Variants in SNTG1 observed in about 807,000 individuals in gnomAD.
SNTG1 encodes gamma-1-syntrophin.
SNTG1 carries 39 observed loss-of-function variants against 74.7 expected under a neutral mutation model. That is an observed-to-expected ratio of 0.52 (90% CI 0.40 to 0.68). The LOEUF (loss-of-function observed/expected upper bound fraction) is 0.68. Among genes scored for constraint, SNTG1 ranks in the 30% least tolerant of loss-of-function variants. SNTG1 has a pLI of 0.00. For synonymous variants in SNTG1, 254 were observed against 217.1 expected (o/e 1.17, Z -1.49); for missense variants, 685 against 609.5 (o/e 1.12, Z -1.30).
At chr8:50,280,509 C>A (rs2088380882) in intron 2 of SNTG1, among the ~76,000 whole-genome samples, 1 of 152,070 alleles carries the variant, frequency 6.6e-6, no homozygotes, top group East Asian at 1.9e-4. Flanking sequence ...GGCATAGTCT[C>A]AAGAAGTTAT....
At chr8:50,772,956 T>C (rs1396713468) in intron 18 of SNTG1, among the ~76,000 whole-genome samples, 1 of 152,130 alleles carries the variant, frequency 6.6e-6, no homozygotes, top group East Asian at 1.9e-4. Context: ...CTTTCTGCCA[T>C]GAGGTGAAAC....
At chr8:50,112,776 T>C (rs1049465290) in intron 1 of SNTG1, among the ~76,000 whole-genome samples, 1 of 152,124 alleles carries the variant, frequency 6.6e-6, no homozygotes, top group African/African-American at 2.4e-5. Context: ...CCTAAAGTGC[T>C]GGGATTACAG....
chr8:50,394,062 T>C (rs1245258014), intron 2 of SNTG1, 150 bp from the exon 3 acceptor site: 1 of 508,630 alleles, frequency 2.0e-6, no homozygotes, highest in Non-Finnish European at 3.5e-6. Flanking sequence ...TTTTCCTCTC[T>C]TCAGTATACC....
In SNTG1 at chr8:50,793,782, C is replaced by T. The variant is rs1585813464; in HGVS notation, c.*953C>T. 1 of 151,712 alleles carries T rather than the reference C, an allele frequency of 6.6e-6. No homozygotes were observed. The highest frequency in any genetic ancestry group is 2.4e-5 in the African/African-American group (1 of 41,336). 9.4% of individuals were successfully genotyped at this position (151,712 alleles called of 1,614,324 possible). A position where few individuals can be genotyped will look rare whatever the true frequency, so the allele number is the denominator to read the frequency against. ...GTTAATCATGAACTAAAATGTCCCC[C>T]GAAAACAGTCCCAAAGCTATTATAG... On this transcript the variant is annotated 3_prime_UTR_variant, in exon 19 of 19. Coordinates refer to ENST00000642720, the MANE Select transcript of SNTG1 (RefSeq NM_018967.5).
At chr8:50,679,926 T>C (rs1472905) in intron 15 of SNTG1, among the ~76,000 whole-genome samples, 1 of 152,176 alleles carries the variant, frequency 6.6e-6, no homozygotes, top group Non-Finnish European at 1.5e-5. Flanking sequence ...AGGCTACTAC[T>C]CAGTGGTAGG....
intron 2 of SNTG1, among the ~76,000 whole-genome samples, chr8:50,245,998 A>G (rs988929120): frequency 6.6e-6 from 1 of 151,916 alleles, no homozygotes; most frequent in African/African-American, 2.4e-5. Context: ...TGGTCAATAT[A>G]ATAGCCAGAT....
At chr8:50,679,734 A>T (rs2095323704) in intron 15 of SNTG1, among the ~76,000 whole-genome samples, 1 of 152,126 alleles carries the variant, frequency 6.6e-6, no homozygotes, top group Admixed American at 6.6e-5. Flanking sequence ...GAATCAGGGA[A>T]CTGTCTTCTG....
intron 1 of SNTG1, among the ~76,000 whole-genome samples, chr8:49,936,144 T>G (rs1169974178): frequency 6.6e-6 from 1 of 152,204 alleles, no homozygotes; most frequent in Admixed American, 6.5e-5. Flanking sequence ...TAGGGGTCAT[T>G]GCAAACTAGT....
intron 1 of SNTG1, among the ~76,000 whole-genome samples, chr8:50,007,616 G>A (rs1815363849): frequency 6.6e-6 from 1 of 152,122 alleles, no homozygotes; most frequent in South Asian, 2.1e-4. Flanking sequence ...TTTCAGATAT[G>A]CTACATGGCA....
At chr8:49,946,642 A>C (rs1248089035) in intron 1 of SNTG1, among the ~76,000 whole-genome samples, 2 of 152,218 alleles carry the variant, frequency 1.3e-5, no homozygotes, top group Admixed American at 1.3e-4. Context: ...GAAGTGTATT[A>C]ATATTGAATT....
chr8:50,058,471 C>A (rs1820208721), intron 1 of SNTG1, among the ~76,000 whole-genome samples: 1 of 152,108 alleles, frequency 6.6e-6, no homozygotes, highest in African/African-American at 2.4e-5. Flanking sequence ...TGGAGTGGCA[C>A]AGCTGAAAGT....
chr8:50,503,973 G>A (rs980274593), intron 9 of SNTG1, among the ~76,000 whole-genome samples: 2 of 152,100 alleles, frequency 1.3e-5, no homozygotes, highest in African/African-American at 4.8e-5. Context: ...TATTTATCCT[G>A]ATCCTGTCCC....
At chr8:50,438,880 C>T (rs1193989877) in intron 5 of SNTG1, among the ~76,000 whole-genome samples, 1 of 152,070 alleles carries the variant, frequency 6.6e-6, no homozygotes, top group Admixed American at 6.5e-5. Flanking sequence ...AATATGATGT[C>T]GTGTGCATAT....
intron 2 of SNTG1, among the ~76,000 whole-genome samples, chr8:50,259,508 A>AG (rs1554621880): frequency 6.3e-5 from 1 of 15,770 alleles, no homozygotes; most frequent in African/African-American, 7.7e-5. Context: ...CAAAAAAAAA[A>AG]AAAGAAAGAA....
At chr8:50,438,714 T>C (rs1382078632) in intron 5 of SNTG1, 115 bp downstream of exon 5, 4 of 774,692 alleles carry the variant, frequency 5.2e-6, no homozygotes, top group African/African-American at 1.8e-5. Context: ...GCAAACTCCT[T>C]AATATTTGGA....
intron 18 of SNTG1, among the ~76,000 whole-genome samples, chr8:50,754,260 T>A (rs563438890): frequency 3.9e-5 from 6 of 152,120 alleles, no homozygotes; most frequent in African/African-American, 1.4e-4. Flanking sequence ...TTAAATAAAA[T>A]GCCAAATTAT....
intron 1 of SNTG1, among the ~76,000 whole-genome samples, chr8:50,034,612 C>T (rs1052616229): frequency 3.9e-5 from 6 of 152,126 alleles, no homozygotes; most frequent in Admixed American, 6.6e-5. Flanking sequence ...CCTGGAGAGT[C>T]TAGTGCAAGG....
intron 17 of SNTG1, among the ~76,000 whole-genome samples, chr8:50,715,002 T>C (rs1185769806): frequency 6.6e-6 from 1 of 152,188 alleles, no homozygotes; most frequent in Non-Finnish European, 1.5e-5. Flanking sequence ...CTCCATTTTA[T>C]GTTTTTGTTT....
intron 2 of SNTG1, among the ~76,000 whole-genome samples, chr8:50,321,503 T>C (rs2090528098): frequency 6.6e-6 from 1 of 152,156 alleles, no homozygotes; most frequent in East Asian, 1.9e-4. Context: ...CTATGTCTTT[T>C]GACTGGAGAG....
Sources: gnomAD v4.1 joint callset for allele counts (sites outside exome capture counted in the v4.1 genomes callset) on GRCh38, gnomAD v4.1.1 for gene constraint, MANE v1.5 for transcripts, NCBI Gene and HGNC (gene_info 2026-07-23, HGNC 2026-07-21) for gene names.